Variants in CIB3 observed in about 807,000 individuals in gnomAD.
The protein encoded by CIB3 is calcium and integrin binding family member 3.
CIB3 carries 22 observed loss-of-function variants against 23.4 expected under a neutral mutation model. That is an observed-to-expected ratio of 0.94 (90% CI 0.67 to 1.34). CIB3 has a LOEUF of 1.34. Ranked by LOEUF, CIB3 falls within the 40% of genes most tolerant of loss-of-function variation. The probability of loss-of-function intolerance (pLI) is 0.00; values close to 1 mark genes in which losing one functional copy is unlikely to be tolerated. For missense variants in CIB3, 258 were observed against 247.3 expected, an observed-to-expected ratio of 1.04 and a Z score of -0.29; for synonymous variants, 93 against 95.8, an observed-to-expected ratio of 0.97 and a Z score of 0.17.
chr19:16,162,363 C>G (rs1158873541), intron 5 of CIB3, among the ~76,000 whole-genome samples: 1 of 151,790 alleles, frequency 6.6e-6, no homozygotes, highest in Non-Finnish European at 1.5e-5. Flanking sequence ...GAGGTAGAGG[C>G]TGCAGTGAGC....
chr19:16,168,544 G>A (rs1413189678), intron 3 of CIB3, among the ~76,000 whole-genome samples: 2 of 152,208 alleles, frequency 1.3e-5, no homozygotes, highest in Non-Finnish European at 2.9e-5. Context: ...CCATTCACCT[G>A]GCAATAGTGA....
intron 5 of CIB3, among the ~76,000 whole-genome samples, chr19:16,163,719 C>G (rs1187985417): frequency 6.6e-6 from 1 of 152,094 alleles, no homozygotes; most frequent in Admixed American, 6.6e-5. Context: ...AGGAGCTGTG[C>G]TGAATTTTCT....
At chr19:16,167,199 G>A (rs1202465606) in intron 4 of CIB3, among the ~76,000 whole-genome samples, 2 of 151,684 alleles carry the variant, frequency 1.3e-5, no homozygotes, top group African/African-American at 4.9e-5. Context: ...CCAGTCTGGG[G>A]GACAGAGCAA....
In CIB3 at chr19:16,171,086, C is replaced by T. The variant is rs566244580; in HGVS notation, c.87-1345G>A. On this transcript the variant is annotated intron_variant, in intron 2 of 5. Coordinates refer to ENST00000269878, the MANE Select transcript of CIB3 (RefSeq NM_054113.4). Reference sequence around the variant, plus strand: ...CCGGGAGGCGCAGCATGCAGTGAACCGAGATCAAGCCAGTGCACTCCAGCC... The same window carrying T: ...CCGGGAGGCGCAGCATGCAGTGAACTGAGATCAAGCCAGTGCACTCCAGCC... 3.4e-5 allele frequency among the ~76,000 whole-genome samples: 5 copies of T among 145,820 alleles called. No individual in the cohort carries two copies. The East Asian group carries it at 6.2e-4, about 18-fold the overall frequency.
chr19:16,173,031 A>G, intron 2 of CIB3, 131 bp downstream of exon 2: 1 of 1,179,520 alleles, frequency 8.5e-7, no homozygotes, highest in East Asian at 2.4e-5. Context: ...AGAAAGAAAG[A>G]AAGACTACTT....
In CIB3 at chr19:16,163,112, CAGGT is replaced by C. The variant is rs566011825; in HGVS notation, c.542+1602_542+1605del. ...TCAGCCTCCTAAAATGCTGGGATTA[CAGGT>C]GTGAGCCACTGCGCTCGGCCCCGTA... On this transcript the variant is annotated intron_variant, in intron 5 of 5. Coordinates refer to ENST00000269878, the MANE Select transcript of CIB3 (RefSeq NM_054113.4). Among the ~76,000 whole-genome samples the C allele has an allele frequency of 3.8e-3, 583 of 151,832 alleles. 7 individuals carry two copies. The highest frequency in any genetic ancestry group is 0.012 in the African/African-American group (510 of 41,402).
At position 16,164,844 on chromosome 19, in the gene CIB3, C is replaced by T. The variant is rs6512087; in HGVS notation, c.416G>A (p.Gly139Glu). 0.79 allele frequency: 1,274,732 copies of T among 1,613,350 alleles called. 506,098 individuals are homozygous for T. The highest frequency in any genetic ancestry group is 0.94 in the East Asian group (42,302 of 44,810). ...CAGGCTCACCTCCTCGGCACTCAGC[C>T]CCCCCCGCGTCAGTTTGGTCACCGT... ...EQTVTKLTRGGLSAEEVSLVC... is the reference protein window; with the variant it reads ...EQTVTKLTRGELSAEEVSLVC... Residue 139 changes from glycine (G) to glutamate (E), a missense_variant, in exon 5 of 6, where the codon GGG (glycine) becomes GAG (glutamate). Transcript: ENST00000269878.
intron 4 of CIB3, among the ~76,000 whole-genome samples, chr19:16,167,250 C>T (rs2091309762): frequency 6.6e-6 from 1 of 151,774 alleles, no homozygotes; most frequent in Admixed American, 6.6e-5. Context: ...ACAAAAAAAA[C>T]AAGTATTTAT....
In CIB3 at chr19:16,168,021, G is replaced by A. The variant is rs1163048085; in HGVS notation, c.346+116C>T. The A allele has an allele frequency of 5.2e-6, 7 of 1,336,858 alleles. No homozygotes were observed. In the African/African-American group the frequency reaches 1.0e-4, roughly 20 times the overall value. 82.8% of individuals were successfully genotyped at this position (1,336,858 alleles called of 1,614,324 possible). Reference sequence around the variant, plus strand: ...AGGCATTGGAGTGGGGTGGAGGACAGGGCCACATAGGGCCTCAAAACCCCT... The same window carrying A: ...AGGCATTGGAGTGGGGTGGAGGACAAGGCCACATAGGGCCTCAAAACCCCT... On this transcript the variant is annotated intron_variant, in intron 4 of 5. Coordinates refer to ENST00000269878, the MANE Select transcript of CIB3 (RefSeq NM_054113.4).
intron 5 of CIB3, among the ~76,000 whole-genome samples, chr19:16,163,847 A>C (rs2091294820): frequency 6.6e-6 from 1 of 152,184 alleles, no homozygotes; most frequent in Non-Finnish European, 1.5e-5. Flanking sequence ...GCCATAGACA[A>C]AATGTACACA....
intron 2 of CIB3, among the ~76,000 whole-genome samples, chr19:16,171,407 C>T (rs2091327728): frequency 6.6e-6 from 1 of 152,102 alleles, no homozygotes; most frequent in South Asian, 2.1e-4. Context: ...CAGAGACCAT[C>T]CTTGGTGGGT....
intron 5 of CIB3, among the ~76,000 whole-genome samples, chr19:16,162,979 G>A (rs2091291180): frequency 6.8e-6 from 1 of 148,038 alleles, no homozygotes; most frequent in African/African-American, 2.5e-5. Context: ...CACCTCCCAG[G>A]TTCGGGTTCA....
intron 4 of CIB3, 139 bp downstream of exon 4, chr19:16,167,998 G>T (rs990259745): frequency 3.9e-6 from 4 of 1,031,986 alleles, no homozygotes; most frequent in Admixed American, 2.6e-5. Flanking sequence ...AGGTGGGGAG[G>T]CATTGGAGTG....
At chr19:16,169,572 T>A in intron 3 of CIB3, 58 bp downstream of exon 3, 1 of 1,454,154 alleles carries the variant, frequency 6.9e-7, no homozygotes, top group South Asian at 1.2e-5. Flanking sequence ...CTCAGAGGAA[T>A]GCAACGAGAG....
chr19:16,164,777 A>G lies in CIB3; in HGVS notation c.483T>C (p.Asp161=). Residue 161 remains aspartate (D), a synonymous_variant, in exon 5 of 6, where the codon GAT becomes GAC. Transcript: ENST00000269878. ...KVLDEADGDH[D]GRLSLEDFQN... Reference sequence around the variant, plus strand: ...GGAAATCTTCCAGGGACAGCCGCCCATCATGGTCTCCATCAGCCTCATCCA... The same window carrying G: ...GGAAATCTTCCAGGGACAGCCGCCCGTCATGGTCTCCATCAGCCTCATCCA... 1 of 1,614,056 alleles carries G rather than the reference A, an allele frequency of 6.2e-7. No individual in the cohort carries two copies. Among genetic ancestry groups the G allele is most frequent in the African/African-American group, 1.3e-5 (1 of 75,012 alleles).
Position 16,168,165 on chromosome 19 carries a change from G to A in CIB3, c.318C>T (p.Leu106=), listed in dbSNP as rs1190306482. The part of the protein sequence containing the change: ...SVMSEMAPRD[L]KAYYAFKIYD... ...AAATTTTAAAAGCATAGTAAGCCTT[G>A]AGGTCGCGGGGAGCCATTTCACTCA... The change falls in exon 4 of 6, where the codon CTC becomes CTT. Residue 106 remains leucine (L), a synonymous_variant. Coordinates refer to ENST00000269878, the MANE Select transcript of CIB3 (RefSeq NM_054113.4). The A allele has an allele frequency of 6.3e-7, 1 of 1,598,548 alleles. No homozygotes were observed. The highest frequency in any genetic ancestry group is 1.1e-5 in the South Asian group (1 of 90,132).
Position 16,168,209 on chromosome 19 carries a change from A to G in CIB3, c.274T>C (p.Leu92=), listed in dbSNP as rs2145082566. The change falls in exon 4 of 6, where the codon TTG becomes CTG. Residue 92 remains leucine (L), a synonymous_variant. Transcript: ENST00000269878. ...TCACTCATCACGGAAAACATGTCCA[A>G]AAAGTTGTCCAGGGTCATGTGGCCA... ...GDGHMTLDNF[L]DMFSVMSEMA... 6.2e-6 allele frequency: 10 copies of G among 1,613,592 alleles called. No homozygotes were observed. Among genetic ancestry groups the G allele is most frequent in the Non-Finnish European group, 6.8e-6 (8 of 1,179,838 alleles).
intron 2 of CIB3, 49 bp from the exon 3 acceptor site, chr19:16,169,790 C>A: frequency 6.8e-7 from 1 of 1,476,532 alleles, no homozygotes; most frequent in South Asian, 1.3e-5. Flanking sequence ...AGGGAGCAGG[C>A]AAGACGCTTG....
chr19:16,167,900 T>C (rs1200221258), intron 4 of CIB3, among the ~76,000 whole-genome samples: 2 of 151,544 alleles, frequency 1.3e-5, no homozygotes, highest in Admixed American at 6.6e-5. Flanking sequence ...AGGCAGAGGG[T>C]TCAGCAGAGG....
Sources: gnomAD v4.1 joint callset for allele counts (sites outside exome capture counted in the v4.1 genomes callset) on GRCh38, gnomAD v4.1.1 for gene constraint, MANE v1.5 for transcripts, NCBI Gene and HGNC (gene_info 2026-07-23, HGNC 2026-07-21) for gene names.